The following SLFN13 variants were observed in gnomAD, a reference collection of about 807,000 sequenced individuals.
SLFN13 encodes schlafen family member 13.
In SLFN13, 43 loss-of-function variants were observed where a neutral mutation model predicts 50.6. That is an observed-to-expected ratio of 0.85 (90% CI 0.67 to 1.09). SLFN13 has a LOEUF of 1.09. SLFN13 is among the 50% of genes least tolerant of loss of function. The pLI, the probability that SLFN13 is intolerant of heterozygous loss-of-function variation, is 0.00. For synonymous variants in SLFN13, 339 were observed against 386.5 expected (o/e 0.88, Z 1.44); for missense variants, 881 against 1,071.1 (o/e 0.82, Z 2.48).
intron 2 of SLFN13, 33 bp from the exon 3 acceptor site, chr17:35,445,726 A>G (rs1172386339): frequency 1.4e-5 from 21 of 1,482,904 alleles, no homozygotes; most frequent in Non-Finnish European, 1.8e-5. Flanking sequence ...TTCATTTTTG[A>G]TTAAAAAATT....
At position 35,438,501 on chromosome 17, in the gene SLFN13, T is replaced by C. The variant is rs1873737249; in HGVS notation, c.*2094A>G. 1.3e-5 allele frequency: 2 copies of C among 152,260 alleles called. No individual in the cohort carries two copies. Among genetic ancestry groups the C allele is most frequent in the East Asian group, 1.9e-4 (1 of 5,184 alleles). 9.4% of individuals were successfully genotyped at this position (152,260 alleles called of 1,614,324 possible). ...AAAGAATTACTCTCAAAGGCTGAAA[T>C]AACTCCAAAGACCAGGGAGTTTACT... On this transcript the variant is annotated 3_prime_UTR_variant, in exon 6 of 6. Transcript: ENST00000285013.
intron 3 of SLFN13, among the ~76,000 whole-genome samples, chr17:35,444,311 A>G (rs1913076136): frequency 6.6e-6 from 1 of 152,244 alleles, no homozygotes; most frequent in African/African-American, 2.4e-5. Context: ...ATTTTATGCT[A>G]ATCTGAGGTA....
intron 1 of SLFN13, among the ~76,000 whole-genome samples, chr17:35,448,014 G>T (rs1290964535): frequency 6.7e-6 from 1 of 148,786 alleles, no homozygotes; most frequent in East Asian, 1.9e-4. Context: ...GCGCCACCAG[G>T]CCCGGTTAAT....
At position 35,441,618 on chromosome 17, in the gene SLFN13, C is replaced by A; in HGVS notation, c.1867G>T (p.Glu623Ter). 6.3e-7 allele frequency: 1 copy of A among 1,592,422 alleles called. No homozygotes were observed. Among genetic ancestry groups the A allele is most frequent in the African/African-American group, 1.4e-5 (1 of 72,328 alleles). Residue 623 changes from glutamate (E) to a stop codon, truncating the protein, a stop_gained, in exon 5 of 6, where the codon GAG becomes TAG. Transcript: ENST00000285013. LOFTEE classifies it high-confidence loss of function. ...CAAACGTAGAGAATTCTGTGTGCCT[C>A]ACAGTGAAACACATTCCTGATCTTC... ...MEKIRNVFHCEAHRILYVCEN... is the reference protein window; with the variant it reads ...MEKIRNVFHC
Position 35,440,614 on chromosome 17 carries a change from T to G in SLFN13, c.2675A>C (p.His892Pro). 4 of 1,614,126 alleles carry G rather than the reference T, an allele frequency of 2.5e-6. No individual in the cohort carries two copies. In the South Asian group the frequency reaches 4.4e-5, roughly 18 times the overall value. Reference sequence around the variant, plus strand: ...GTCACTTCACAGAAAAATATATAGGTGCTGTTTTGCCCTGGAAGCCAGACA... The same window carrying G: ...GTCACTTCACAGAAAAATATATAGGGGCTGTTTTGCCCTGGAAGCCAGACA... ...LICLASRAKQ[H>P]LYIFL The change falls in exon 6 of 6, where the codon CAC becomes CCC. Residue 892 changes from histidine (H) to proline (P), a missense_variant. His to Pro is a moderately conservative substitution (Grantham distance 77). Coordinates refer to ENST00000285013, the MANE Select transcript of SLFN13 (RefSeq NM_144682.6).
chr17:35,445,557 C>T lies in SLFN13; in HGVS notation c.124G>A (p.Glu42Lys). ...KKLQKTQRDQ[E>K]RARVIRAACA... ...GCGGCCCGTATAACTCTCGCCCTCTCTTGGTCTCTCTGAGTTTTCTGTAGC... is the reference window on the plus strand; with the variant it reads ...GCGGCCCGTATAACTCTCGCCCTCTTTTGGTCTCTCTGAGTTTTCTGTAGC... The change falls in exon 3 of 6, where the codon GAG becomes AAG. Residue 42 changes from glutamate (E) to lysine (K), a missense_variant. Physicochemically the swap from Glu to Lys is moderately conservative, Grantham distance 56. This residue lies in a region of SLFN13 where 497 missense variants were observed against 518.3 expected (regional missense o/e 0.96). Transcript: ENST00000285013. 1 of 1,614,188 alleles carries T rather than the reference C, an allele frequency of 6.2e-7. No homozygotes were observed. Among genetic ancestry groups the T allele is most frequent in the Non-Finnish European group, 8.5e-7 (1 of 1,180,026 alleles).
Position 35,443,882 on chromosome 17 carries a change from A to G in SLFN13, c.1105T>C (p.Leu369=). Residue 369 remains leucine (L), a synonymous_variant, in exon 4 of 6, where the codon TTG becomes CTG. Coordinates refer to ENST00000285013, the MANE Select transcript of SLFN13 (RefSeq NM_144682.6). ...AGTGAAGGACTGTCAGATAGACTCA[A>G]CTGAGACTCAAAGGCCTCAGCAAAG... ...PDFAEAFESQ[L]SLSDSPSLCR... is the part of the protein sequence containing the mutation. The G allele has an allele frequency of 6.2e-7, 1 of 1,613,904 alleles. No homozygotes were observed. The highest frequency in any genetic ancestry group is 8.5e-7 in the Non-Finnish European group (1 of 1,179,782).
At position 35,445,309 on chromosome 17, in the gene SLFN13, A is replaced by T. The variant is rs781692949; in HGVS notation, c.372T>A (p.Asn124Lys). Reference sequence around the variant, plus strand: ...AAGAACTAAGGCTGCAAATGCGGGAATTGAAAGAACCATCTTTAAGGAAAG... The same window carrying T: ...AAGAACTAAGGCTGCAAATGCGGGATTTGAAAGAACCATCTTTAAGGAAAG... ...GDPFLKDGSF[N>K]SRICSLSSSL... The change falls in exon 3 of 6, where the codon AAT becomes AAA. Residue 124 changes from asparagine (N) to lysine (K), a missense_variant. Asn to Lys is a moderately conservative substitution (Grantham distance 94, BLOSUM62 0). This residue lies in a region of SLFN13 where 497 missense variants were observed against 518.3 expected (regional missense o/e 0.96). Coordinates refer to ENST00000285013, the MANE Select transcript of SLFN13 (RefSeq NM_144682.6). 14 of 1,613,886 alleles carry T rather than the reference A, an allele frequency of 8.7e-6. No homozygotes were observed. The South Asian group carries it at 1.4e-4, about 16-fold the overall frequency.
chr17:35,445,854 G>GGAAGGGAACTAAT, intron 2 of SLFN13, 161 bp from the exon 3 acceptor site: 1 of 597,436 alleles, frequency 1.7e-6, no homozygotes, highest in Non-Finnish European at 2.8e-6. Flanking sequence ...TGGCTGGCAG[G>GGAAGGGAACTAAT]GAAGGGAACT....
chr17:35,447,131 G>A (rs776407647), intron 2 of SLFN13, 137 bp downstream of exon 2: 3 of 152,068 alleles, frequency 2.0e-5, no homozygotes, highest in African/African-American at 7.3e-5. Context: ...TGGGTATAAA[G>A]GTATTATAGT....
rs1056516148 is a variant in SLFN13 at position 35,438,112 on chromosome 17, A to C, written c.*2483T>G. ...ACAGTGAGACCTTTTCTCTTTAAAA[A>C]AAAAAAAAAAAAAAATTTACAGTTA... is the stretch of plus-strand genomic sequence containing the variant. On this transcript the variant is annotated 3_prime_UTR_variant, in exon 6 of 6. Coordinates refer to ENST00000285013, the MANE Select transcript of SLFN13 (RefSeq NM_144682.6). 1.7e-4 allele frequency: 26 copies of C among 151,588 alleles called. No homozygotes were observed. Among genetic ancestry groups the C allele is most frequent in the African/African-American group, 6.0e-4 (25 of 41,340 alleles). 9.4% of individuals were successfully genotyped at this position (151,588 alleles called of 1,614,324 possible).
At position 35,440,452 on chromosome 17, in the gene SLFN13, G is replaced by A. The variant is rs1041460207; in HGVS notation, c.*143C>T. The A allele has an allele frequency of 3.0e-6, 3 of 1,004,932 alleles. No homozygotes were observed. The highest frequency in any genetic ancestry group is 3.3e-5 in the African/African-American group (2 of 61,198). The allele number at this position is 1,004,932 out of a possible 1,614,324, so 62.3% of individuals were successfully genotyped here. On this transcript the variant is annotated 3_prime_UTR_variant, in exon 6 of 6. Coordinates refer to ENST00000285013, the MANE Select transcript of SLFN13 (RefSeq NM_144682.6). The stretch of plus-strand genomic sequence containing the variant: ...CCCCTGAAAGGAGAGCCAGAAATGG[G>A]GGAGCTCCAAACTCTTTGTGTCAGC...
rs1176025522 is a variant in SLFN13, at chr17:35,443,930, A to C, written c.1067-10T>G. On this transcript the variant is annotated splice_polypyrimidine_tract_variant and intron_variant, in intron 3 of 5. Coordinates refer to ENST00000285013, the MANE Select transcript of SLFN13 (RefSeq NM_144682.6). ...AAGTCTGGAGGAAACTCTGAAAGAAAGAACATTTTAATTTACACTATATGA... is the reference window on the plus strand; with the variant it reads ...AAGTCTGGAGGAAACTCTGAAAGAACGAACATTTTAATTTACACTATATGA... The C allele has an allele frequency of 1.9e-6, 3 of 1,611,846 alleles. No homozygotes were observed. The highest frequency in any genetic ancestry group is 2.5e-6 in the Non-Finnish European group (3 of 1,178,800).
chr17:35,436,389 C>G lies in SLFN13; in HGVS notation c.*4206G>C, dbSNP rs982072987. On this transcript the variant is annotated 3_prime_UTR_variant, in exon 6 of 6. Transcript: ENST00000285013. ...TGCATGTGGGGTCAAAGAATGTGAT[C>G]AGTATCAGTTCTCTGAACTCTTTGA... is the stretch of plus-strand genomic sequence containing the variant. 1 of 152,012 alleles carries G rather than the reference C, an allele frequency of 6.6e-6. No homozygotes were observed. Among genetic ancestry groups the G allele is most frequent in the Admixed American group, 6.6e-5 (1 of 15,260 alleles). 9.4% of individuals were successfully genotyped at this position (152,012 alleles called of 1,614,324 possible).
upstream of SLFN13, among the ~76,000 whole-genome samples, chr17:35,449,509 A>G (rs1258990595): frequency 6.6e-6 from 1 of 152,094 alleles, no homozygotes; most frequent in Non-Finnish European, 1.5e-5. Context: ...GTGGGCCTTG[A>G]GACCCGGGAA....
Position 35,445,564 on chromosome 17 carries a change from T to C in SLFN13, c.117A>G (p.Arg39=). The C allele has an allele frequency of 2.5e-6, 4 of 1,614,134 alleles. No homozygotes were observed. The highest frequency in any genetic ancestry group is 3.4e-6 in the Non-Finnish European group (4 of 1,180,022). Reference sequence around the variant, plus strand: ...GTATAACTCTCGCCCTCTCTTGGTCTCTCTGAGTTTTCTGTAGCTTTTTTC... The same window carrying C: ...GTATAACTCTCGCCCTCTCTTGGTCCCTCTGAGTTTTCTGTAGCTTTTTTC... ...ENRKKLQKTQ[R]DQERARVIRA... Residue 39 remains arginine, a synonymous_variant, in exon 3 of 6, where the codon AGA becomes AGG. Transcript: ENST00000285013.
At chr17:35,442,456 G>A (rs559273649) in intron 4 of SLFN13, among the ~76,000 whole-genome samples, 170 bp from the exon 5 acceptor site, 1 of 152,250 alleles carries the variant, frequency 6.6e-6, no homozygotes, top group South Asian at 2.1e-4. Flanking sequence ...CTGTCTGTCT[G>A]TTTTTGAGAC....
chr17:35,439,407 G>C lies in SLFN13; in HGVS notation c.*1188C>G, dbSNP rs1304334759. The C allele has an allele frequency of 6.6e-6, 1 of 152,134 alleles. No homozygotes were observed. The highest frequency in any genetic ancestry group is 1.9e-4 in the East Asian group (1 of 5,198). The allele number at this position is 152,134 out of a possible 1,614,324, so 9.4% of individuals were successfully genotyped here. On this transcript the variant is annotated 3_prime_UTR_variant, in exon 6 of 6. Transcript: ENST00000285013. Reference sequence around the variant, plus strand: ...TCAAGAATGACATAAAACTTAAGTAGTTATGCTATAGAGTAATGCATACAG... The same window carrying C: ...TCAAGAATGACATAAAACTTAAGTACTTATGCTATAGAGTAATGCATACAG...
chr17:35,441,091 T>C lies in SLFN13; in HGVS notation c.2198A>G (p.Asn733Ser). 2 of 1,614,084 alleles carry C rather than the reference T, an allele frequency of 1.2e-6. No homozygotes were observed. Among genetic ancestry groups the C allele is most frequent in the Non-Finnish European group, 1.7e-6 (2 of 1,180,022 alleles). The change falls in exon 6 of 6, where the codon AAT becomes AGT. Residue 733 changes from asparagine to serine, a missense_variant. This residue lies in a region of SLFN13 where 322 missense variants were observed against 327.4 expected (regional missense o/e 0.98). Coordinates refer to ENST00000285013, the MANE Select transcript of SLFN13 (RefSeq NM_144682.6). ...TATGTACTCGGCTATTTCATCTGCA[T>C]TGCGAACTACTCTGGTGAGCTCTTC... is the stretch of plus-strand genomic sequence containing the variant. Reference protein sequence around the residue: ...PREELTRVVRNADEIAEYIQQ... With the variant: ...PREELTRVVRSADEIAEYIQQ...
Sources: allele counts gnomAD v4.1 joint callset (sites outside exome capture counted in the v4.1 genomes callset), GRCh38; gene constraint gnomAD v4.1.1; regional missense constraint gnomAD v4.1.1; transcripts MANE v1.5; gene names NCBI Gene and HGNC (gene_info 2026-07-23, HGNC 2026-07-21).